Variants in MYRIP observed in about 807,000 individuals in gnomAD.
The protein encoded by MYRIP is rab effector MyRIP.
In MYRIP, 49 loss-of-function variants were observed where a neutral mutation model predicts 98.0. The ratio of observed to expected loss-of-function variants is 0.50; its 90% CI spans 0.40 to 0.63. The LOEUF is 0.63. MYRIP is among the 30% of genes least tolerant of loss of function. The probability of loss-of-function intolerance (pLI) is 0.00; values close to 1 mark genes in which losing one functional copy is unlikely to be tolerated. For missense variants in MYRIP, 1,004 were observed against 1,058.2 expected (o/e 0.95, Z 0.71); for synonymous variants, 404 against 409.5 (o/e 0.99, Z 0.16).
intron 2 of MYRIP, among the ~76,000 whole-genome samples, chr3:40,032,900 C>G (rs1947292836): frequency 6.6e-6 from 1 of 152,076 alleles, no homozygotes; most frequent in South Asian, 2.1e-4. Context: ...TCCTGTGATG[C>G]AAGGCTGGTT....
At chr3:40,072,689 G>A (rs1412189344) in intron 3 of MYRIP, among the ~76,000 whole-genome samples, 1 of 152,044 alleles carries the variant, frequency 6.6e-6, no homozygotes, top group African/African-American at 2.4e-5. Flanking sequence ...AGATGTCTTG[G>A]TTATATTTAT....
chr3:40,044,200 TG>T lies in MYRIP; in HGVS notation c.262del (p.Val88SerfsTer26). 1 of 1,614,180 alleles carries T rather than the reference TG, an allele frequency of 6.2e-7. No individual in the cohort carries two copies. Among genetic ancestry groups the T allele is most frequent in the South Asian group, 1.1e-5 (1 of 91,088 alleles). On this transcript the variant is annotated frameshift_variant, in exon 3 of 17. Transcript: ENST00000302541. LOFTEE classifies it high-confidence loss of function. The stretch of plus-strand genomic sequence containing the variant: ...GCCAGTGTGGAGATTGCAAATTCAA[TG>T]TCTGCAAGAGCTGCTGCTCCTACCA... ...KRQCGDCKFN[V>X]CKSCCSYQKH...
In MYRIP at chr3:40,081,743, A is replaced by C. The variant is rs192469632; in HGVS notation, c.332+37472A>C. Among the ~76,000 whole-genome samples the C allele has an allele frequency of 1.2e-3, 180 of 152,354 alleles. 2 individuals are homozygous for C. The South Asian group carries it at 0.035, about 29-fold the overall frequency. ...TGAAATACAACGTATATTATTAGCT[A>C]TAGTCAACATGTTGTGTAGTAGATC... On this transcript the variant is annotated intron_variant, in intron 3 of 16. Transcript: ENST00000302541.
At chr3:40,048,377 G>A (rs1265101948) in intron 3 of MYRIP, among the ~76,000 whole-genome samples, 8 of 152,074 alleles carry the variant, frequency 5.3e-5, no homozygotes, top group Non-Finnish European at 1.2e-4. Flanking sequence ...TTGAGATACT[G>A]TGGGCTATGA....
At chr3:40,141,101 A>G (rs1424933551) in intron 3 of MYRIP, among the ~76,000 whole-genome samples, 2 of 151,614 alleles carry the variant, frequency 1.3e-5, no homozygotes, top group Non-Finnish European at 2.9e-5. Context: ...ATCCTTCTAC[A>G]CTCTATCTCC....
intron 10 of MYRIP, among the ~76,000 whole-genome samples, chr3:40,192,704 C>A (rs750763378): frequency 6.6e-6 from 1 of 152,102 alleles, no homozygotes; most frequent in Non-Finnish European, 1.5e-5. Flanking sequence ...GTCCAATGAC[C>A]ACAACCAAGG....
intron 10 of MYRIP, among the ~76,000 whole-genome samples, chr3:40,195,875 A>T (rs1951373802): frequency 6.6e-6 from 1 of 151,990 alleles, no homozygotes; most frequent in Non-Finnish European, 1.5e-5. Context: ...ACCTTTTAAG[A>T]TCTTTTACTT....
At chr3:40,116,929 A>G (rs377686138) in intron 3 of MYRIP, among the ~76,000 whole-genome samples, 1 of 152,100 alleles carries the variant, frequency 6.6e-6, no homozygotes, top group Non-Finnish European at 1.5e-5. Flanking sequence ...TTTCCCTTCC[A>G]TAGTTTCATA....
chr3:40,167,979 T>G (rs960759899), intron 7 of MYRIP, among the ~76,000 whole-genome samples: 2 of 152,176 alleles, frequency 1.3e-5, no homozygotes, highest in Non-Finnish European at 2.9e-5. Flanking sequence ...CCTTGTTGTA[T>G]CAGAGTTTTT....
At chr3:40,200,789 C>T (rs1951536355) in intron 10 of MYRIP, among the ~76,000 whole-genome samples, 1 of 152,154 alleles carries the variant, frequency 6.6e-6, no homozygotes, top group Non-Finnish European at 1.5e-5. Context: ...TCACCCCAAC[C>T]CCTGCCCTGC....
At position 39,977,122 on chromosome 3, in the gene MYRIP, T is replaced by TAA. The variant is rs201729316; in HGVS notation, c.111-66928_111-66927insAA. ...TTCCTTTAATTATAAAAGGTTTATT[T>TAA]TAAAAAAAAACGGTGATAATAAGTA... On this transcript the variant is annotated intron_variant, in intron 2 of 16. Transcript: ENST00000302541. Among the ~76,000 whole-genome samples, 1,156 of 151,436 alleles carry TAA rather than the reference T, an allele frequency of 7.6e-3. 9 individuals carry two copies. The highest frequency in any genetic ancestry group is 0.027 in the African/African-American group (1,109 of 41,234).
intron 2 of MYRIP, among the ~76,000 whole-genome samples, chr3:39,918,209 C>T (rs777963396): frequency 6.6e-5 from 10 of 152,202 alleles, no homozygotes; most frequent in Non-Finnish European, 1.2e-4. Flanking sequence ...CCACCGCGCC[C>T]GGCCCTGACT....
chr3:39,951,288 G>C (rs1945007147), intron 2 of MYRIP, among the ~76,000 whole-genome samples: 1 of 152,138 alleles, frequency 6.6e-6, no homozygotes, highest in Admixed American at 6.6e-5. Flanking sequence ...ACCACCTAGA[G>C]AGCTTTTAAC....
In MYRIP at chr3:40,044,170, C is replaced by G. The variant is rs1947616765; in HGVS notation, c.231C>G (p.Thr77=). The G allele has an allele frequency of 6.2e-7, 1 of 1,614,062 alleles. No individual in the cohort carries two copies. Among genetic ancestry groups the G allele is most frequent in the African/African-American group, 1.3e-5 (1 of 74,922 alleles). The change falls in exon 3 of 17, where the codon ACC becomes ACG. Residue 77 remains threonine (T), a synonymous_variant. Transcript: ENST00000302541. The part of the protein sequence containing the change: ...CCSPFTFLVN[T]KRQCGDCKFN... ...CGCCCTTCACCTTCCTCGTCAACAC[C>G]AAGCGCCAGTGTGGAGATTGCAAAT...
intron 2 of MYRIP, among the ~76,000 whole-genome samples, chr3:40,016,648 G>A (rs1290166196): frequency 6.6e-6 from 1 of 152,156 alleles, no homozygotes; most frequent in Non-Finnish European, 1.5e-5. Flanking sequence ...CCCCACCTGA[G>A]GGAATTCCTT....
intron 1 of MYRIP, among the ~76,000 whole-genome samples, chr3:39,897,693 C>T (rs1334520079): frequency 2.0e-5 from 3 of 152,060 alleles, no homozygotes; most frequent in African/African-American, 4.8e-5. Flanking sequence ...TTTCATTTGT[C>T]GCACAGGGAC....
At chr3:40,014,987 G>A (rs564990149) in intron 2 of MYRIP, among the ~76,000 whole-genome samples, 4 of 152,292 alleles carry the variant, frequency 2.6e-5, no homozygotes, top group Non-Finnish European at 5.9e-5. Context: ...CAGACCGTGT[G>A]CCCAGGGGAG....
chr3:39,916,256 C>T (rs933787187), intron 2 of MYRIP, among the ~76,000 whole-genome samples: 5 of 151,966 alleles, frequency 3.3e-5, no homozygotes, highest in African/African-American at 7.2e-5. Flanking sequence ...AACAGTGGCA[C>T]TGCTCCAACT....
At position 40,010,478 on chromosome 3, in the gene MYRIP, GT is replaced by G. The variant is rs538995926; in HGVS notation, c.111-33570del. ...AACCCTACAGGCCTGTGAAATGAGA[GT>G]TCTTTATAGACCTACTTGCTTCCAC... On this transcript the variant is annotated intron_variant, in intron 2 of 16. Transcript: ENST00000302541. 2.7e-3 allele frequency among the ~76,000 whole-genome samples: 408 copies of G among 152,316 alleles called. 1 individual carries two copies. The highest frequency in any genetic ancestry group is 8.8e-3 in the African/African-American group (367 of 41,564).
Sources: allele counts gnomAD v4.1 joint callset (sites outside exome capture counted in the v4.1 genomes callset), GRCh38; gene constraint gnomAD v4.1.1; transcripts MANE v1.5; gene names NCBI Gene and HGNC (gene_info 2026-07-23, HGNC 2026-07-21).